Variants in BZW2 observed in about 807,000 individuals in gnomAD.
The protein encoded by BZW2 is eIF5-mimic protein 1.
A neutral mutation model predicts 53.2 loss-of-function variants in BZW2; 23 were observed. The ratio of observed to expected loss-of-function variants is 0.43; its 90% CI spans 0.31 to 0.61. The LOEUF is 0.61. BZW2 is among the 20% of genes least tolerant of loss of function. The pLI, the probability that BZW2 is intolerant of heterozygous loss-of-function variation, is 0.09. For synonymous variants in BZW2, 227 were observed against 186.4 expected (o/e 1.22, Z -1.77); for missense variants, 409 against 503.1 (o/e 0.81, Z 1.79).
chr7:16,684,597 G>A (rs891454017), intron 5 of BZW2, among the ~76,000 whole-genome samples: 7 of 152,144 alleles, frequency 4.6e-5, no homozygotes, highest in East Asian at 1.9e-4. Context: ...TATTATTCTC[G>A]TTTAAATGTT....
In BZW2 at chr7:16,654,196, C is replaced by T. The variant is rs1460651797; in HGVS notation, c.-8+7908C>T. ...AGTGAGCTGAGATTGTGCCACTACA[C>T]TCCAGCCTGGGTGACAGAGTAAGAC... On this transcript the variant is annotated intron_variant, in intron 1 of 11. Transcript: ENST00000258761. Among the ~76,000 whole-genome samples, 3 of 151,486 alleles carry T rather than the reference C, an allele frequency of 2.0e-5. No homozygotes were observed. In the South Asian group the frequency reaches 6.2e-4, roughly 31 times the overall value.
At chr7:16,655,522 A>T (rs774147203) in intron 1 of BZW2, among the ~76,000 whole-genome samples, 1 of 152,186 alleles carries the variant, frequency 6.6e-6, no homozygotes, top group Non-Finnish European at 1.5e-5. Context: ...TCTTTCTGGT[A>T]AGAACAATCA....
In BZW2 at chr7:16,682,766, TG is replaced by T. The variant is rs769557614; in HGVS notation, c.340-13del. The T allele has an allele frequency of 1.5e-5, 23 of 1,517,970 alleles. No homozygotes were observed. The highest frequency in any genetic ancestry group is 6.3e-5 in the African/African-American group (4 of 63,618). 94.0% of individuals were successfully genotyped at this position (1,517,970 alleles called of 1,614,324 possible). A position where few individuals can be genotyped will look rare whatever the true frequency, so the allele number is the denominator to read the frequency against. ...TTTGGTTGACCTAATATTTAATGGT[TG>T]TTTTTTTTTTAGGTCTTCAATAAAC... On this transcript the variant is annotated splice_polypyrimidine_tract_variant and intron_variant, in intron 4 of 11. Transcript: ENST00000258761.
Position 16,646,270 on chromosome 7 carries a change from T to C in BZW2, c.-26T>C. ...CCGCAGCCCCCAGCCTTGCGCGTCG[T>C]CGCTACCTCCTCGGACAGGTGAGAA... On this transcript the variant is annotated 5_prime_UTR_variant, in exon 1 of 12. Transcript: ENST00000258761. 1 of 277,252 alleles carries C rather than the reference T, an allele frequency of 3.6e-6. No homozygotes were observed. Among genetic ancestry groups the C allele is most frequent in the Non-Finnish European group, 7.3e-6 (1 of 136,340 alleles). The allele number at this position is 277,252 out of a possible 1,614,324, so 17.2% of individuals were successfully genotyped here. A position where few individuals can be genotyped will look rare whatever the true frequency, so the allele number is the denominator to read the frequency against.
Position 16,686,036 on chromosome 7 carries a change from A to G in BZW2, c.537A>G (p.Lys179=). 1 of 1,612,206 alleles carries G rather than the reference A, an allele frequency of 6.2e-7. No individual in the cohort carries two copies. Residue 179 remains lysine (K), a synonymous_variant, in exon 6 of 12, where the codon AAA becomes AAG. Coordinates refer to ENST00000258761, the MANE Select transcript of BZW2 (RefSeq NM_014038.3). The part of the protein sequence containing the change: ...LTSLFTDSLV[K]EGIAASFAVK... ...GTCTCTTCACCGACAGCTTAGTCAAAGAAGGTAACGAGGCTCCTGTTTTCT... is the reference window on the plus strand; with the variant it reads ...GTCTCTTCACCGACAGCTTAGTCAAGGAAGGTAACGAGGCTCCTGTTTTCT...
intron 5 of BZW2, among the ~76,000 whole-genome samples, chr7:16,684,197 T>G (rs1203276065): frequency 5.3e-5 from 8 of 152,188 alleles, no homozygotes; most frequent in African/African-American, 1.7e-4. Context: ...CATGACAAAT[T>G]AAGTGGAAAT....
rs1200357149 is a variant in BZW2, at chr7:16,701,513, G to GTCCC, written c.1109-3032_1109-3029dup. Among the ~76,000 whole-genome samples the GTCCC allele has an allele frequency of 4.6e-5, 7 of 152,146 alleles. No homozygotes were observed. In the East Asian group the frequency reaches 1.4e-3, roughly 29 times the overall value. On this transcript the variant is annotated intron_variant, in intron 10 of 11. Coordinates refer to ENST00000258761, the MANE Select transcript of BZW2 (RefSeq NM_014038.3). The stretch of plus-strand genomic sequence containing the variant: ...TTAGGGTAAATTATTTTTGACTTGT[G>GTCCC]TCCCTATGTGACATTCCTAATAAAA...
intron 7 of BZW2, among the ~76,000 whole-genome samples, chr7:16,692,410 A>C (rs991463704): frequency 6.6e-6 from 1 of 152,144 alleles, no homozygotes; most frequent in African/African-American, 2.4e-5. Flanking sequence ...CTTATATTCT[A>C]TTTCAGGAGA....
Position 16,674,523 on chromosome 7 carries a change from C to T in BZW2, c.170C>T (p.Ser57Leu). ...GCCAAATTTCTGGACTCTACAGGCT[C>T]AAGATTAGATTATCGTCGCTATGCA... ...AVAKFLDSTG[S>L]RLDYRRYADT... Residue 57 changes from serine (S) to leucine (L), a missense_variant, in exon 3 of 12, where the codon TCA becomes TTA. This residue lies in a region of BZW2 where 316 missense variants were observed against 366.8 expected (regional missense o/e 0.86). Transcript: ENST00000258761. 1 of 1,612,564 alleles carries T rather than the reference C, an allele frequency of 6.2e-7. No individual in the cohort carries two copies. The highest frequency in any genetic ancestry group is 2.2e-5 in the East Asian group (1 of 44,848).
At chr7:16,678,689 A>G (rs993522349) in intron 3 of BZW2, among the ~76,000 whole-genome samples, 3 of 152,220 alleles carry the variant, frequency 2.0e-5, no homozygotes, top group African/African-American at 7.2e-5. Flanking sequence ...ATCATTATCT[A>G]AGTTTGTTCC....
At position 16,685,941 on chromosome 7, in the gene BZW2, C is replaced by A; in HGVS notation, c.442C>A (p.Gln148Lys). Residue 148 changes from glutamine (Q) to lysine (K), a missense_variant, in exon 6 of 12, where the codon CAG (glutamine) becomes AAG (lysine). By Grantham distance (53) the Gln-to-Lys change is moderately conservative (BLOSUM62 1). This residue lies in a region of BZW2 where 316 missense variants were observed against 366.8 expected (regional missense o/e 0.86). Coordinates refer to ENST00000258761, the MANE Select transcript of BZW2 (RefSeq NM_014038.3). Reference protein sequence around the residue: ...LFLKAFSETEQTKLAMLSGIL... With the variant: ...LFLKAFSETEKTKLAMLSGIL... ...CCTTAAAGCCTTTTCCGAAACAGAG[C>A]AGACAAAGTTGGCGATGCTGTCGGG... The A allele has an allele frequency of 6.4e-7, 1 of 1,557,628 alleles. No individual in the cohort carries two copies.
At chr7:16,673,740 C>T (rs1782679345) in intron 2 of BZW2, among the ~76,000 whole-genome samples, 1 of 151,818 alleles carries the variant, frequency 6.6e-6, no homozygotes, top group African/African-American at 2.4e-5. Flanking sequence ...GAGTCTTTTT[C>T]CAAAGGATAC....
intron 6 of BZW2, among the ~76,000 whole-genome samples, chr7:16,688,010 T>G (rs1783183087): frequency 6.6e-6 from 1 of 152,080 alleles, no homozygotes; most frequent in Non-Finnish European, 1.5e-5. Flanking sequence ...TAATGCATGT[T>G]TTGTTGTTAT....
At position 16,694,931 on chromosome 7, in the gene BZW2, A is replaced by G; in HGVS notation, c.749A>G (p.Gln250Arg). Residue 250 changes from glutamine (Q) to arginine (R), a missense_variant, in exon 8 of 12, where the codon CAG (glutamine) becomes CGG (arginine). Transcript: ENST00000258761. ...CTTTCCGACTTCCTCCGAGTCCAGC[A>G]GTCCCTGGGCACCAGGAAGGAACTG... is the stretch of plus-strand genomic sequence containing the variant. Reference protein sequence around the residue: ...KELSDFLRVQQSLGTRKELQK... With the variant: ...KELSDFLRVQRSLGTRKELQK... 6.3e-7 allele frequency: 1 copy of G among 1,598,698 alleles called. No individual in the cohort carries two copies. Among genetic ancestry groups the G allele is most frequent in the South Asian group, 1.1e-5 (1 of 89,876 alleles).
intron 3 of BZW2, among the ~76,000 whole-genome samples, chr7:16,677,894 C>A (rs1782814880): frequency 6.6e-6 from 1 of 152,044 alleles, no homozygotes; most frequent in Admixed American, 6.6e-5. Flanking sequence ...TTCTTCACTG[C>A]ATGTCTATAC....
At chr7:16,685,021 C>T in intron 5 of BZW2, among the ~76,000 whole-genome samples, 1 of 152,162 alleles carries the variant, frequency 6.6e-6, no homozygotes, top group East Asian at 1.9e-4. Flanking sequence ...TCAGCAAGGC[C>T]CCTGTGGTGA....
chr7:16,677,066 T>TC (rs1202579046), intron 3 of BZW2, among the ~76,000 whole-genome samples: 1 of 151,406 alleles, frequency 6.6e-6, no homozygotes, highest in Non-Finnish European at 1.5e-5. Flanking sequence ...TTTTTTTTTT[T>TC]TTGGCAGTTG....
chr7:16,653,689 T>G (rs1782043831), intron 1 of BZW2, among the ~76,000 whole-genome samples: 1 of 152,222 alleles, frequency 6.6e-6, no homozygotes, highest in South Asian at 2.1e-4. Flanking sequence ...GAATACTCAT[T>G]AATAATAAAT....
chr7:16,691,317 C>T (rs1416873700), intron 7 of BZW2, among the ~76,000 whole-genome samples: 1 of 152,194 alleles, frequency 6.6e-6, no homozygotes, highest in Non-Finnish European at 1.5e-5. Context: ...GGGCAAATCC[C>T]TGTAAACAGA....
Sources: allele counts gnomAD v4.1 joint callset (sites outside exome capture counted in the v4.1 genomes callset), GRCh38; gene constraint gnomAD v4.1.1; regional missense constraint gnomAD v4.1.1; transcripts MANE v1.5; gene names NCBI Gene and HGNC (gene_info 2026-07-23, HGNC 2026-07-21).